EFCAB5: variants seen among roughly 807,000 people sequenced by gnomAD.
The protein encoded by EFCAB5 is EF-hand calcium binding domain 5, also known as EF-hand calcium-binding domain-containing protein 5.
A neutral mutation model predicts 167.9 loss-of-function variants in EFCAB5; 131 were observed. The observed-to-expected ratio is 0.78, with a 90% CI of 0.68 to 0.90. The LOEUF (loss-of-function observed/expected upper bound fraction) is 0.90. Among genes scored for constraint, EFCAB5 ranks in the 40% least tolerant of loss-of-function variants. EFCAB5 has a pLI of 0.00. For missense variants in EFCAB5, 1,663 were observed against 1,745.2 expected, an observed-to-expected ratio of 0.95 and a Z score of 0.84; for synonymous variants, 574 against 602.8, an observed-to-expected ratio of 0.95 and a Z score of 0.70.
chr17:30,058,902 C>T (rs987902578), intron 13 of EFCAB5: 2 of 149,990 alleles, frequency 1.3e-5, no homozygotes, highest in Non-Finnish European at 2.9e-5. Flanking sequence ...AAAATACAGT[C>T]TGTGTATTTA....
intron 3 of EFCAB5, among the ~76,000 whole-genome samples, chr17:29,964,278 T>A (rs2067780942): frequency 6.6e-6 from 1 of 152,148 alleles, no homozygotes; most frequent in Non-Finnish European, 1.5e-5. Context: ...ATAAAATTGC[T>A]CATAGTATTC....
In EFCAB5 at chr17:30,053,914, G is replaced by A; in HGVS notation, c.1960G>A (p.Gly654Arg). The A allele has an allele frequency of 6.2e-7, 1 of 1,613,976 alleles. No homozygotes were observed. Among genetic ancestry groups the A allele is most frequent in the African/African-American group, 1.3e-5 (1 of 75,024 alleles). Residue 654 changes from glycine to arginine, a missense_variant, in exon 10 of 23, where the codon GGA becomes AGA. Transcript: ENST00000394835. ...AGAACCATACCAAAAATCAGAACAA[G>A]GACCTTATGGAGAGATAATTTCAGA... ...IEEPYQKSEQ[G>R]PYGEIISEEQ...
At chr17:29,937,433 C>T (rs889690498), upstream of EFCAB5, among the ~76,000 whole-genome samples, 11 of 152,028 alleles carry the variant, frequency 7.2e-5, no homozygotes, top group South Asian at 4.2e-4. Flanking sequence ...GTGATCCACC[C>T]GCCTCAGCCT....
In EFCAB5 at chr17:30,092,074, G is replaced by T; in HGVS notation, c.4141G>T (p.Asp1381Tyr). ...GGAAGCCAACGTGAAACTAGTGCGT[G>T]ACATCCTGAAGGCGGTTATCTTGTT... ...ELEANVKLVR[D>Y]ILKAVILFFH... is the part of the protein sequence containing the mutation. Residue 1381 changes from aspartate to tyrosine, a missense_variant, in exon 21 of 23, where the codon GAC (aspartate) becomes TAC (tyrosine). Coordinates refer to ENST00000394835, the MANE Select transcript of EFCAB5 (RefSeq NM_198529.4). The T allele has an allele frequency of 6.2e-7, 1 of 1,613,970 alleles. No individual in the cohort carries two copies.
intron 10 of EFCAB5, among the ~76,000 whole-genome samples, chr17:30,054,499 T>G (rs894418652): frequency 2.0e-5 from 3 of 152,218 alleles, no homozygotes. Context: ...TTTCTTTTAT[T>G]TCAACTGTAA....
intron 14 of EFCAB5, among the ~76,000 whole-genome samples, chr17:30,061,801 C>G (rs2070433025): frequency 6.6e-6 from 1 of 152,160 alleles, no homozygotes; most frequent in African/African-American, 2.4e-5. Context: ...GTCCTGGGCT[C>G]AAGAGATCCT....
At chr17:30,059,834 A>G in intron 14 of EFCAB5, 133 bp downstream of exon 14, 1 of 597,416 alleles carries the variant, frequency 1.7e-6, no homozygotes, top group Non-Finnish European at 2.5e-6. Context: ...CAGTATAGAT[A>G]TACATTTATC....
intron 7 of EFCAB5, among the ~76,000 whole-genome samples, chr17:30,012,384 C>CACCT (rs2068926315): frequency 6.6e-6 from 1 of 152,194 alleles, no homozygotes; most frequent in African/African-American, 2.4e-5. Flanking sequence ...CCATCCTGTA[C>CACCT]ACCTGGCTCT....
At chr17:30,079,946 A>G in intron 15 of EFCAB5, 126 bp from the exon 16 acceptor site, 1 of 1,127,614 alleles carries the variant, frequency 8.9e-7, no homozygotes, top group Non-Finnish European at 1.2e-6. Context: ...ATAGTAATAT[A>G]TGCATTCTTT....
rs550713106 is a variant in EFCAB5, at chr17:30,097,670, C to T, written c.4321+4734C>T. 2.3e-4 allele frequency among the ~76,000 whole-genome samples: 35 copies of T among 152,324 alleles called. 1 individual carries two copies. Among genetic ancestry groups the T allele is most frequent in the Admixed American group, 2.2e-3 (33 of 15,296 alleles). On this transcript the variant is annotated intron_variant, in intron 22 of 22. Coordinates refer to ENST00000394835, the MANE Select transcript of EFCAB5 (RefSeq NM_198529.4). The stretch of plus-strand genomic sequence containing the variant: ...TATTTATAATTTGGGGTTAAAGATG[C>T]AATGTTTACATGATTTTGCCTATGC...
At chr17:29,959,630 G>T (rs781455780) in intron 3 of EFCAB5, among the ~76,000 whole-genome samples, 1 of 152,156 alleles carries the variant, frequency 6.6e-6, no homozygotes, top group Non-Finnish European at 1.5e-5. Context: ...TGTCATCTGG[G>T]AGGCAGGGCC....
intron 15 of EFCAB5, 114 bp downstream of exon 15, chr17:30,078,618 G>A: frequency 1.6e-6 from 2 of 1,270,344 alleles, no homozygotes; most frequent in East Asian, 2.6e-5. Flanking sequence ...GGGTGCTGCT[G>A]TAGATATTTT....
At chr17:29,933,682 G>A (rs2067221809) in intron 1 of EFCAB5, among the ~76,000 whole-genome samples, 1 of 152,152 alleles carries the variant, frequency 6.6e-6, no homozygotes, top group Non-Finnish European at 1.5e-5. Flanking sequence ...TTCTTCCGGG[G>A]TGAAATTATA....
At chr17:30,102,682 G>A (rs965753904) in intron 22 of EFCAB5, among the ~76,000 whole-genome samples, 2 of 151,720 alleles carry the variant, frequency 1.3e-5, no homozygotes, top group African/African-American at 4.8e-5. Flanking sequence ...TAACTTGGTG[G>A]TCTCCAAAGT....
intron 4 of EFCAB5, among the ~76,000 whole-genome samples, chr17:29,988,638 T>C (rs1231785509): frequency 6.6e-6 from 1 of 152,204 alleles, no homozygotes; most frequent in African/African-American, 2.4e-5. Flanking sequence ...ACTCACAAAG[T>C]CAGTTAAATG....
At chr17:30,105,345 G>C (rs1567781508) in intron 22 of EFCAB5, among the ~76,000 whole-genome samples, 1 of 152,062 alleles carries the variant, frequency 6.6e-6, no homozygotes, top group East Asian at 1.9e-4. Flanking sequence ...AAATTAGCCA[G>C]GCCTGGTGAT....
At chr17:30,021,429 A>G (rs375595606) in intron 7 of EFCAB5, among the ~76,000 whole-genome samples, 1 of 139,462 alleles carries the variant, frequency 7.2e-6, no homozygotes, top group East Asian at 1.9e-4. Context: ...TATATAATAT[A>G]ATGTTTATTA....
At position 29,993,164 on chromosome 17, in the gene EFCAB5, G is replaced by T; in HGVS notation, c.768-1G>T. ...ATGTTTTCTATATCTACATCCTGCA[G>T]AGTATCCAAGATGAAGGAGAATGTT... On this transcript the variant is annotated splice_acceptor_variant, in intron 4 of 22. Transcript: ENST00000394835. LOFTEE classifies it high-confidence loss of function. 1 of 1,607,250 alleles carries T rather than the reference G, an allele frequency of 6.2e-7. No homozygotes were observed. Among genetic ancestry groups the T allele is most frequent in the African/African-American group, 1.3e-5 (1 of 74,870 alleles).
At chr17:29,942,360 A>G (rs1751485921) in intron 2 of EFCAB5, 58 bp downstream of exon 2, 1 of 1,411,854 alleles carries the variant, frequency 7.1e-7, no homozygotes, top group South Asian at 1.6e-5. Context: ...AGATAAATCA[A>G]TTTTCTTATG....
Sources: allele counts gnomAD v4.1 joint callset (sites outside exome capture counted in the v4.1 genomes callset), GRCh38; gene constraint gnomAD v4.1.1; transcripts MANE v1.5; gene names NCBI Gene and HGNC (gene_info 2026-07-23, HGNC 2026-07-21).